KIF21A: variants seen among roughly 807,000 people sequenced by gnomAD.
KIF21A encodes kinesin family member 21A.
A neutral mutation model predicts 202.9 loss-of-function variants in KIF21A; 114 were observed. The observed-to-expected ratio is 0.56, with a 90% CI of 0.48 to 0.66. The LOEUF (loss-of-function observed/expected upper bound fraction) is 0.66, where lower values mean the gene tolerates loss of function less well. Ranked by LOEUF, KIF21A falls within the 30% of genes least tolerant of loss-of-function variation. The pLI, the probability that KIF21A is intolerant of heterozygous loss-of-function variation, is 0.00. For synonymous variants in KIF21A, 667 were observed against 670.8 expected (o/e 0.99, Z 0.09); for missense variants, 1,677 against 1,994.9 (o/e 0.84, Z 3.04).
chr12:39,417,997 C>T (rs1383149117), intron 1 of KIF21A, among the ~76,000 whole-genome samples: 8 of 151,912 alleles, frequency 5.3e-5, no homozygotes, highest in African/African-American at 1.7e-4. Flanking sequence ...CTCTTGGGCT[C>T]AGGAGTTGGA....
intron 37 of KIF21A, 128 bp from the exon 38 acceptor site, chr12:39,294,645 A>G: frequency 1.4e-6 from 1 of 706,422 alleles, no homozygotes; most frequent in Non-Finnish European, 2.5e-6. Context: ...ATAAATATGC[A>G]TTGTCTCATT....
rs1312231703 is a variant in KIF21A at position 39,332,299 on chromosome 12, A to G, written c.2966T>C (p.Met989Thr). 1 of 1,613,338 alleles carries G rather than the reference A, an allele frequency of 6.2e-7. No individual in the cohort carries two copies. The highest frequency in any genetic ancestry group is 1.1e-5 in the South Asian group (1 of 91,064). Residue 989 changes from methionine to threonine, a missense_variant, in exon 21 of 38, where the codon ATG (methionine) becomes ACG (threonine). Physicochemically the swap from Met to Thr is moderately conservative, Grantham distance 81. Around this residue, in one of 3 missense-constraint regions of KIF21A, gnomAD observed 966 missense variants for 1,180.9 expected, o/e 0.82. Coordinates refer to ENST00000361418, the MANE Select transcript of KIF21A (RefSeq NM_001173464.2). Reference protein sequence around the residue: ...DKNVANINEEMESLTANIDYI... With the variant: ...DKNVANINEETESLTANIDYI... ...ATCGATATTAGCAGTCAGTGACTCC[A>G]TCTCTTCATTGATATTAGCCACATT...
At chr12:39,339,234 TC>T (rs1947242925) in intron 16 of KIF21A, among the ~76,000 whole-genome samples, 1 of 66,614 alleles carries the variant, frequency 1.5e-5, no homozygotes. Flanking sequence ...AGACTCCCTC[TC>T]AAAAAAAAAA....
In KIF21A at chr12:39,330,901, G is replaced by C. The variant is rs773694301; in HGVS notation, c.3164C>G (p.Ala1055Gly). The change falls in exon 23 of 38, where the codon GCT (alanine) becomes GGT (glycine). Residue 1055 changes from alanine to glycine, a missense_variant. Physicochemically the swap from Ala to Gly is moderately conservative, Grantham distance 60. This residue lies in a region of KIF21A where 705 missense variants were observed against 791.9 expected (regional missense o/e 0.89). Coordinates refer to ENST00000361418, the MANE Select transcript of KIF21A (RefSeq NM_001173464.2). ...TTTAATTTGAGCCTCTTTCTGGGCAGCCTGAAGACCCTGAAACACAACAAA... is the reference window on the plus strand; with the variant it reads ...TTTAATTTGAGCCTCTTTCTGGGCACCCTGAAGACCCTGAAACACAACAAA... ...LSMGINKGLQ[A>G]AQKEAQIKVL... is the part of the protein sequence containing the mutation. The C allele has an allele frequency of 1.2e-6, 2 of 1,613,908 alleles. No homozygotes were observed. The highest frequency in any genetic ancestry group is 1.7e-4 in the Middle Eastern group (1 of 6,060).
chr12:39,342,240 G>A, intron 12 of KIF21A, 116 bp from the exon 13 acceptor site: 1 of 747,768 alleles, frequency 1.3e-6, no homozygotes, highest in Non-Finnish European at 2.4e-6. Flanking sequence ...TTAAATGTTG[G>A]TCACTTAACT....
intron 1 of KIF21A, among the ~76,000 whole-genome samples, chr12:39,434,574 G>C (rs1227806367): frequency 6.6e-6 from 1 of 152,156 alleles, no homozygotes; most frequent in Non-Finnish European, 1.5e-5. Context: ...AAATTTATCA[G>C]GGGTAAGAGT....
chr12:39,332,737 A>AT lies in KIF21A; in HGVS notation c.2709dup (p.Tyr904IlefsTer24). 6.2e-7 allele frequency: 1 copy of AT among 1,613,906 alleles called. No individual in the cohort carries two copies. The highest frequency in any genetic ancestry group is 8.5e-7 in the Non-Finnish European group (1 of 1,179,958). ...CGGCCAGTCAATCCTTTCCTCTGAT[A>AT]TTTTTTCCTATAATCATATAAAACA... On this transcript the variant is annotated frameshift_variant, in exon 20 of 38. Transcript: ENST00000361418. LOFTEE classifies it high-confidence loss of function.
At chr12:39,439,623 T>A (rs1939286859) in intron 1 of KIF21A, among the ~76,000 whole-genome samples, 1 of 152,182 alleles carries the variant, frequency 6.6e-6, no homozygotes, top group African/African-American at 2.4e-5. Context: ...TTTTAACTCA[T>A]TTAAATTAAA....
intron 27 of KIF21A, chr12:39,321,940 T>G (rs1036336838): frequency 6.6e-6 from 1 of 152,160 alleles, no homozygotes; most frequent in Non-Finnish European, 1.5e-5. Flanking sequence ...GGTACACATA[T>G]GTACACACAC....
intron 24 of KIF21A, among the ~76,000 whole-genome samples, chr12:39,329,159 C>A (rs894389235): frequency 3.3e-5 from 5 of 152,164 alleles, no homozygotes; most frequent in Non-Finnish European, 5.9e-5. Context: ...TCATCTCATG[C>A]TTTTTATTTA....
At chr12:39,413,773 C>CT (rs1303144263) in intron 1 of KIF21A, among the ~76,000 whole-genome samples, 5 of 152,008 alleles carry the variant, frequency 3.3e-5, no homozygotes, top group African/African-American at 1.2e-4. Context: ...GAACTTATCT[C>CT]TAAAAATAAA....
intron 1 of KIF21A, among the ~76,000 whole-genome samples, chr12:39,412,609 A>T (rs2140074702): frequency 6.6e-6 from 1 of 152,226 alleles, no homozygotes; most frequent in Admixed American, 6.5e-5. Context: ...TCAGCTACTC[A>T]GAAGACTGAG....
chr12:39,368,339 A>G (rs1204555644), intron 3 of KIF21A, among the ~76,000 whole-genome samples: 2 of 152,194 alleles, frequency 1.3e-5, no homozygotes, highest in Non-Finnish European at 2.9e-5. Context: ...AGCAAACCCT[A>G]GAAACATGTG....
At chr12:39,406,883 C>T (rs1952634519) in intron 1 of KIF21A, among the ~76,000 whole-genome samples, 1 of 152,202 alleles carries the variant, frequency 6.6e-6, no homozygotes, top group Admixed American at 6.5e-5. Flanking sequence ...TTCTATAATA[C>T]CTCCAAACTC....
chr12:39,308,033 T>C (rs1565667692), intron 33 of KIF21A, among the ~76,000 whole-genome samples: 2 of 152,072 alleles, frequency 1.3e-5, no homozygotes, highest in Admixed American at 6.6e-5. Flanking sequence ...CTAAAACATC[T>C]TTCAGAAAAG....
At chr12:39,400,278 TTCCTTCAACTTCTA>T (rs1336386226) in intron 1 of KIF21A, among the ~76,000 whole-genome samples, 1 of 152,212 alleles carries the variant, frequency 6.6e-6, no homozygotes, top group Non-Finnish European at 1.5e-5. Flanking sequence ...GTCTCTTTTT[TTCCTTCAACTTCTA>T]TTTTACATTC....
intron 1 of KIF21A, among the ~76,000 whole-genome samples, chr12:39,420,698 T>A (rs1954182684): frequency 6.6e-6 from 1 of 152,014 alleles, no homozygotes; most frequent in Non-Finnish European, 1.5e-5. Context: ...TGGTTTAGAT[T>A]AGGCAGTACT....
Position 39,331,758 on chromosome 12 carries a change from T to G in KIF21A, c.3085A>C (p.Ile1029Leu), listed in dbSNP as rs1241096457. The part of the protein sequence containing the change: ...EGETLDVTAV[I>L]NACTLTEARY... The stretch of plus-strand genomic sequence containing the variant: ...GCTTCTGTAAGGGTGCAGGCATTAA[T>G]GACTGCAGTAACATCCAATGTCTCA... The change falls in exon 22 of 38, where the codon ATT becomes CTT. Residue 1029 changes from isoleucine (I) to leucine (L), a missense_variant. Around this residue, in one of 3 missense-constraint regions of KIF21A, gnomAD observed 705 missense variants for 791.9 expected, o/e 0.89. Coordinates refer to ENST00000361418, the MANE Select transcript of KIF21A (RefSeq NM_001173464.2). 1 of 1,613,532 alleles carries G rather than the reference T, an allele frequency of 6.2e-7. No individual in the cohort carries two copies. The highest frequency in any genetic ancestry group is 1.7e-5 in the Admixed American group (1 of 60,022).
intron 23 of KIF21A, 44 bp from the exon 24 acceptor site, chr12:39,330,306 A>G: frequency 1.3e-6 from 2 of 1,556,952 alleles, no homozygotes; most frequent in Non-Finnish European, 1.8e-6. Context: ...CAATACTCCA[A>G]TCAAAACAGA....
Sources: gnomAD v4.1 joint callset for allele counts (sites outside exome capture counted in the v4.1 genomes callset) on GRCh38, gnomAD v4.1.1 for gene constraint, gnomAD v4.1.1 regional missense constraint, MANE v1.5 for transcripts, NCBI Gene and HGNC (gene_info 2026-07-23, HGNC 2026-07-21) for gene names.